Variants in NKAIN3 observed in about 807,000 individuals in gnomAD.
NKAIN3 encodes sodium/potassium-transporting ATPase subunit beta-1-interacting protein 3.
Under a neutral mutation model 30.2 loss-of-function variants are expected in NKAIN3, and 25 were observed. The ratio of observed to expected loss-of-function variants is 0.83; its 90% confidence interval spans 0.60 to 1.16. The LOEUF (loss-of-function observed/expected upper bound fraction) is 1.16. NKAIN3 is among the 50% of genes most tolerant of loss of function. NKAIN3 has a pLI of 0.00. For synonymous variants in NKAIN3, 91 were observed against 89.6 expected (o/e 1.02, Z -0.09); for missense variants, 225 against 254.1 (o/e 0.89, Z 0.78).
intron 4 of NKAIN3, among the ~76,000 whole-genome samples, chr8:62,787,620 C>T (rs1817564675): frequency 1.3e-5 from 2 of 152,272 alleles, no homozygotes; most frequent in African/African-American, 4.8e-5. Flanking sequence ...TGTTGGTGTG[C>T]TGCACCCATT....
At chr8:62,856,031 A>T (rs746211976) in intron 4 of NKAIN3, 4 of 684,914 alleles carry the variant, frequency 5.8e-6, no homozygotes, top group African/African-American at 5.3e-5. Flanking sequence ...GCCTCAGATG[A>T]TGGTGCTTCT....
chr8:62,740,762 C>A (rs1017268242), intron 3 of NKAIN3, among the ~76,000 whole-genome samples: 2 of 151,662 alleles, frequency 1.3e-5, no homozygotes, highest in African/African-American at 4.8e-5. Flanking sequence ...TTCTGGGTAT[C>A]TTTTTTAATT....
intron 1 of NKAIN3, among the ~76,000 whole-genome samples, chr8:62,475,143 A>C (rs914315537): frequency 6.6e-6 from 1 of 152,202 alleles, no homozygotes; most frequent in Admixed American, 6.5e-5. Flanking sequence ...ATAAAAAAAG[A>C]ATAAAGACAA....
chr8:62,400,594 T>G (rs990400824), intron 1 of NKAIN3, among the ~76,000 whole-genome samples: 1 of 152,182 alleles, frequency 6.6e-6, no homozygotes, highest in Non-Finnish European at 1.5e-5. Flanking sequence ...ACAGGTCTTG[T>G]GTTCATGAAA....
At position 62,974,542 on chromosome 8, in the gene NKAIN3, C is replaced by A. The variant is rs569198939; in HGVS notation, c.*9135C>A. Among the ~76,000 whole-genome samples, 52 of 152,276 alleles carry A rather than the reference C, an allele frequency of 3.4e-4. No homozygotes were observed. The highest frequency in any genetic ancestry group is 1.2e-3 in the African/African-American group (49 of 41,560). ...CTGCAACTTTGCTGAAATTGCTTATCTCTTTAAGGAGTTTTGGGGTTGAGA... is the reference window on the plus strand; with the variant it reads ...CTGCAACTTTGCTGAAATTGCTTATATCTTTAAGGAGTTTTGGGGTTGAGA... On this transcript the variant is annotated 3_prime_UTR_variant, in exon 7 of 7. Transcript: ENST00000623646.
At chr8:62,499,478 C>A (rs1428881637) in intron 1 of NKAIN3, among the ~76,000 whole-genome samples, 1 of 152,088 alleles carries the variant, frequency 6.6e-6, no homozygotes, top group Non-Finnish European at 1.5e-5. Context: ...CTCATGGTAT[C>A]TCAAATTTAT....
intron 1 of NKAIN3, among the ~76,000 whole-genome samples, chr8:62,319,672 T>G (rs1814801129): frequency 6.6e-6 from 1 of 152,222 alleles, no homozygotes; most frequent in African/African-American, 2.4e-5. Context: ...TGAGTTCTAG[T>G]TTGATTGCAC....
downstream of NKAIN3, among the ~76,000 whole-genome samples, chr8:62,986,719 T>C (rs1202189007): frequency 6.6e-6 from 1 of 152,188 alleles, no homozygotes; most frequent in African/African-American, 2.4e-5. Flanking sequence ...TATTAAATAG[T>C]CTCTTCATGG....
intron 1 of NKAIN3, among the ~76,000 whole-genome samples, chr8:62,560,286 C>A (rs773015363): frequency 6.6e-6 from 1 of 151,994 alleles, no homozygotes; most frequent in Non-Finnish European, 1.5e-5. Flanking sequence ...CATCTTCTTG[C>A]ATCTGTAGGT....
At chr8:62,532,338 A>G (rs1003773759) in intron 1 of NKAIN3, among the ~76,000 whole-genome samples, 3 of 152,146 alleles carry the variant, frequency 2.0e-5, no homozygotes, top group African/African-American at 7.2e-5. Context: ...TTCACTGCCT[A>G]TCCCCTGCCC....
intron 1 of NKAIN3, among the ~76,000 whole-genome samples, chr8:62,250,549 A>G (rs1376404065): frequency 6.6e-6 from 1 of 152,222 alleles, no homozygotes; most frequent in Non-Finnish European, 1.5e-5. Flanking sequence ...AGTTGGAAAA[A>G]CTGACTAAAC....
chr8:62,451,285 T>TGCCC (rs1805633085), intron 1 of NKAIN3, among the ~76,000 whole-genome samples: 1 of 143,906 alleles, frequency 6.9e-6, no homozygotes, highest in Non-Finnish European at 1.5e-5. Flanking sequence ...TTCTCTCCCC[T>TGCCC]TCCCTCCCCT....
intron 1 of NKAIN3, chr8:62,383,614 C>A (rs1189294259): frequency 1.6e-5 from 7 of 431,646 alleles, no homozygotes; most frequent in African/African-American, 1.4e-4. Flanking sequence ...GTTTTTTAAG[C>A]CAAGTGCTTT....
intron 1 of NKAIN3, among the ~76,000 whole-genome samples, chr8:62,305,938 C>T (rs1350196113): frequency 6.6e-6 from 1 of 150,446 alleles, no homozygotes; most frequent in East Asian, 1.9e-4. Context: ...TCCTGTTGGC[C>T]AGCATTCAGT....
chr8:62,949,743 T>A (rs1823232180), intron 5 of NKAIN3, among the ~76,000 whole-genome samples: 1 of 151,890 alleles, frequency 6.6e-6, no homozygotes, highest in East Asian at 1.9e-4. Context: ...TTCTAAAATA[T>A]ATTTTTCACT....
chr8:62,665,853 GAAGCTAGTCTTTC>G (rs1813082297), intron 3 of NKAIN3, among the ~76,000 whole-genome samples: 1 of 152,134 alleles, frequency 6.6e-6, no homozygotes. Flanking sequence ...TATGGAGCTG[GAAGCTAGTCTTTC>G]AAACGTTTAA....
chr8:62,305,774 G>C, intron 1 of NKAIN3, among the ~76,000 whole-genome samples: 1 of 150,500 alleles, frequency 6.6e-6, no homozygotes, highest in East Asian at 1.9e-4. Flanking sequence ...TGGGTCCTAA[G>C]CATTTATGGT....
In NKAIN3 at chr8:62,481,043, T is replaced by C. The variant is rs1431560903; in HGVS notation, c.55-98496T>C. ...CAAGTAGTTATTTAAAAACTCAACA[T>C]CTCATGCTTCTCATATTTATAATCA... is the stretch of plus-strand genomic sequence containing the variant. On this transcript the variant is annotated intron_variant, in intron 1 of 6. Coordinates refer to ENST00000623646, the MANE Select transcript of NKAIN3 (RefSeq NM_001304533.3). Among the ~76,000 whole-genome samples the C allele has an allele frequency of 2.6e-5, 4 of 152,164 alleles. 1 individual carries two copies. The highest frequency in any genetic ancestry group is 9.7e-5 in the African/African-American group (4 of 41,442).
rs551998075 is a variant in NKAIN3 at position 62,284,586 on chromosome 8, C to T, written c.54+35459C>T. 2.0e-5 allele frequency among the ~76,000 whole-genome samples: 3 copies of T among 152,100 alleles called. No individual in the cohort carries two copies. The East Asian group carries it at 5.8e-4, about 29-fold the overall frequency. Reference sequence around the variant, plus strand: ...TGGAGGTTGCACTGAGCCAAGATTGCGCCATTTCACTTCAGCCTGGGCAAC... The same window carrying T: ...TGGAGGTTGCACTGAGCCAAGATTGTGCCATTTCACTTCAGCCTGGGCAAC... On this transcript the variant is annotated intron_variant, in intron 1 of 6. Transcript: ENST00000623646.
Sources: gnomAD v4.1 joint callset for allele counts (sites outside exome capture counted in the v4.1 genomes callset) on GRCh38, gnomAD v4.1.1 for gene constraint, MANE v1.5 for transcripts, NCBI Gene and HGNC (gene_info 2026-07-23, HGNC 2026-07-21) for gene names.